Variants in SHISAL1 observed in about 807,000 individuals in gnomAD.
SHISAL1 encodes the protein protein shisa-like-1.
In SHISAL1, 9 loss-of-function variants were observed where a neutral mutation model predicts 22.6. The ratio of observed to expected loss-of-function variants is 0.40; its 90% CI spans 0.24 to 0.70. The LOEUF (loss-of-function observed/expected upper bound fraction) is 0.70. Among genes scored for constraint, SHISAL1 ranks in the 30% least tolerant of loss-of-function variants. SHISAL1 has a pLI of 0.39. For missense variants in SHISAL1, 246 were observed against 270.6 expected (o/e 0.91, Z 0.64); for synonymous variants, 119 against 115.4 (o/e 1.03, Z -0.20).
intron 4 of SHISAL1, among the ~76,000 whole-genome samples, chr22:44,269,474 GCA>G (rs879356618): frequency 0.078 from 1,738 of 22,322 alleles, 33 homozygotes; most frequent in African/African-American, 0.2. Context: ...CACAACACGC[GCA>G]CACACACACA....
At chr22:44,307,893 A>G (rs2055490676) in intron 1 of SHISAL1, among the ~76,000 whole-genome samples, 1 of 152,184 alleles carries the variant, frequency 6.6e-6, no homozygotes, top group African/African-American at 2.4e-5. Flanking sequence ...GGAGGGGCTG[A>G]GGCCTCAGGC....
intron 1 of SHISAL1, among the ~76,000 whole-genome samples, chr22:44,305,237 C>G (rs1477966723): frequency 1.3e-5 from 2 of 152,214 alleles, no homozygotes; most frequent in South Asian, 2.1e-4. Flanking sequence ...TCTCAACACC[C>G]ACTTGCTGAC....
At chr22:44,285,861 A>G in intron 3 of SHISAL1, 116 bp from the exon 4 acceptor site, 1 of 884,364 alleles carries the variant, frequency 1.1e-6, no homozygotes, top group Non-Finnish European at 1.8e-6. Context: ...GGTCCCCGGG[A>G]GGAGGGTACT....
At chr22:44,296,566 C>T in intron 3 of SHISAL1, 106 bp downstream of exon 3, 3 of 944,434 alleles carry the variant, frequency 3.2e-6, no homozygotes, top group East Asian at 2.6e-5. Flanking sequence ...CCCACCCAAC[C>T]TTATAGCGGT....
In SHISAL1 at chr22:44,310,965, C is replaced by T. The variant is rs2055513856; in HGVS notation, c.-33+1786G>A. On this transcript the variant is annotated intron_variant, in intron 1 of 4. Transcript: ENST00000381176. The surrounding 1 kb of genome is among the most constrained non-coding windows in gnomAD (Gnocchi z 4.0). ...TAGGAACTCCATTAGCACTCGTTGGCCTGGTTTGTTTTATTGCAAAGAGCA... is the reference window on the plus strand; with the variant it reads ...TAGGAACTCCATTAGCACTCGTTGGTCTGGTTTGTTTTATTGCAAAGAGCA... 6.6e-6 allele frequency among the ~76,000 whole-genome samples: 1 copy of T among 152,098 alleles called. No individual in the cohort carries two copies.
Position 44,244,103 on chromosome 22 carries a change from T to A in SHISAL1, c.*5582A>T, listed in dbSNP as rs556807932. On this transcript the variant is annotated 3_prime_UTR_variant, in exon 5 of 5. Coordinates refer to ENST00000381176, the MANE Select transcript of SHISAL1 (RefSeq NM_001099294.2). ...ATGCCACTAGCTTTAAAACGGGAAA[T>A]GGGAAAAATAGGAAGAAACTGCGTA... 4 of 152,006 alleles carry A rather than the reference T, an allele frequency of 2.6e-5. No homozygotes were observed. The highest frequency in any genetic ancestry group is 9.7e-5 in the African/African-American group (4 of 41,366). The allele number at this position is 152,006 out of a possible 1,614,324, so 9.4% of individuals were successfully genotyped here.
chr22:44,303,986 G>A (rs2055452387), intron 1 of SHISAL1, among the ~76,000 whole-genome samples: 1 of 152,216 alleles, frequency 6.6e-6, no homozygotes, highest in African/African-American at 2.4e-5. Flanking sequence ...TGCAGTGCAG[G>A]GATCTGCTGC....
chr22:44,269,619 AC>A (rs2055192385), intron 4 of SHISAL1, among the ~76,000 whole-genome samples: 1 of 150,452 alleles, frequency 6.6e-6, no homozygotes, highest in African/African-American at 2.5e-5. Context: ...ACAGACCCAC[AC>A]AATATACACA....
intron 4 of SHISAL1, among the ~76,000 whole-genome samples, chr22:44,268,800 G>A (rs1213680343): frequency 6.6e-6 from 1 of 152,188 alleles, no homozygotes; most frequent in Non-Finnish European, 1.5e-5. Context: ...CCTGGGGGCA[G>A]GGATGGGGAC....
chr22:44,300,739 C>T (rs1207477001), intron 2 of SHISAL1, 140 bp downstream of exon 2: 5 of 684,066 alleles, frequency 7.3e-6, no homozygotes, highest in Non-Finnish European at 7.7e-6. Flanking sequence ...CAGCTGCTCA[C>T]CAGAGGGGTG....
chr22:44,262,582 A>G (rs893005872), intron 4 of SHISAL1, among the ~76,000 whole-genome samples: 4 of 152,216 alleles, frequency 2.6e-5, no homozygotes, highest in African/African-American at 9.6e-5. Context: ...CAGAGAGACA[A>G]TGTCACTAGC....
chr22:44,300,991 G>T lies in SHISAL1; in HGVS notation c.-32-14C>A. On this transcript the variant is annotated splice_polypyrimidine_tract_variant and intron_variant, in intron 1 of 4. Coordinates refer to ENST00000381176, the MANE Select transcript of SHISAL1 (RefSeq NM_001099294.2). The stretch of plus-strand genomic sequence containing the variant: ...GTCCAGAGCTGCCTGTTCAATGAGA[G>T]CCACGAGAGGCTGGGTGTGGGCTGT... The T allele has an allele frequency of 6.4e-7, 1 of 1,568,848 alleles. No individual in the cohort carries two copies. Among genetic ancestry groups the T allele is most frequent in the Non-Finnish European group, 8.8e-7 (1 of 1,140,346 alleles).
rs2055028458 is a variant in SHISAL1, at chr22:44,249,204, A to G, written c.*481T>C. The stretch of plus-strand genomic sequence containing the variant: ...ATAAAAACCAACCAACCAAGCAAAC[A>G]AAAAGAACACCCCAAATCACACACA... On this transcript the variant is annotated 3_prime_UTR_variant, in exon 5 of 5. Coordinates refer to ENST00000381176, the MANE Select transcript of SHISAL1 (RefSeq NM_001099294.2). 1 of 153,108 alleles carries G rather than the reference A, an allele frequency of 6.5e-6. No individual in the cohort carries two copies. The highest frequency in any genetic ancestry group is 6.5e-5 in the Admixed American group (1 of 15,318). The allele number at this position is 153,108 out of a possible 1,614,324, so 9.5% of individuals were successfully genotyped here.
chr22:44,318,742 AG>A, the SHISAL1 span, among the ~76,000 whole-genome samples: 1 of 152,246 alleles, frequency 6.6e-6, no homozygotes, highest in Non-Finnish European at 1.5e-5. Flanking sequence ...CGGCCTGCTC[AG>A]TGCTGTCACA....
chr22:44,274,140 G>A (rs2055223952), intron 4 of SHISAL1, among the ~76,000 whole-genome samples: 1 of 149,184 alleles, frequency 6.7e-6, no homozygotes, highest in South Asian at 2.1e-4. Context: ...CAGCTACTCG[G>A]GAAGCCAAGG....
At chr22:44,252,867 T>C (rs906027831) in intron 4 of SHISAL1, among the ~76,000 whole-genome samples, 9 of 151,798 alleles carry the variant, frequency 5.9e-5, no homozygotes, top group East Asian at 1.9e-4. Context: ...TGGTGGTGGG[T>C]GCCTGCAGTC....
At chr22:44,272,897 T>A (rs6006719) in intron 4 of SHISAL1, among the ~76,000 whole-genome samples, 12,011 of 152,138 alleles carry the variant, frequency 0.079, 1,148 homozygotes, top group African/African-American at 0.2. Context: ...GGAGTTCAAG[T>A]CCAGCCTGGG....
chr22:44,271,190 A>C (rs1437847448), intron 4 of SHISAL1, among the ~76,000 whole-genome samples: 1 of 152,122 alleles, frequency 6.6e-6, no homozygotes, highest in African/African-American at 2.4e-5. Flanking sequence ...GAGGTGATGC[A>C]ACTTGCCCAA....
chr22:44,269,056 C>T (rs568527671), intron 4 of SHISAL1, among the ~76,000 whole-genome samples: 4 of 152,104 alleles, frequency 2.6e-5, no homozygotes, highest in African/African-American at 9.6e-5. Flanking sequence ...GCTGCTTCCC[C>T]GACGTCCTTT....
Sources: allele counts gnomAD v4.1 joint callset (sites outside exome capture counted in the v4.1 genomes callset), GRCh38; gene constraint gnomAD v4.1.1; non-coding constraint Gnocchi (gnomAD v3.1); transcripts MANE v1.5; gene names NCBI Gene and HGNC (gene_info 2026-07-23, HGNC 2026-07-21).